ATP8A2: variants seen among roughly 807,000 people sequenced by gnomAD.
ATP8A2 encodes ATPase phospholipid transporting 8A2.
ATP8A2 carries 100 observed loss-of-function variants against 165.6 expected under a neutral mutation model. The ratio of observed to expected loss-of-function variants is 0.60; its 90% CI spans 0.51 to 0.71. The LOEUF is 0.71. Among genes scored for constraint, ATP8A2 ranks in the 30% least tolerant of loss-of-function variants. The pLI is 0.00. For missense variants in ATP8A2, 1,227 were observed against 1,479.5 expected, an observed-to-expected ratio of 0.83 and a Z score of 2.80; for synonymous variants, 543 against 548.8, an observed-to-expected ratio of 0.99 and a Z score of 0.15.
At chr13:26,009,907 A>G (rs889762995) in intron 35 of ATP8A2, among the ~76,000 whole-genome samples, 10 of 152,118 alleles carry the variant, frequency 6.6e-5, no homozygotes, top group African/African-American at 1.9e-4. Flanking sequence ...CGCTACTAAA[A>G]ATACAAAAAT....
intron 24 of ATP8A2, among the ~76,000 whole-genome samples, chr13:25,681,141 G>GA (rs1169129301): frequency 6.6e-6 from 1 of 152,124 alleles, no homozygotes; most frequent in Non-Finnish European, 1.5e-5. Context: ...GAACTGTTTA[G>GA]AAAAAAGAAA....
chr13:25,974,355 C>T (rs1048919872), intron 35 of ATP8A2, among the ~76,000 whole-genome samples: 1 of 151,996 alleles, frequency 6.6e-6, no homozygotes, highest in Non-Finnish European at 1.5e-5. Context: ...GCAGCAGGCT[C>T]TCCGAGTTGC....
intron 1 of ATP8A2, among the ~76,000 whole-genome samples, chr13:25,455,003 T>C (rs2035327791): frequency 6.6e-6 from 1 of 152,248 alleles, no homozygotes; most frequent in Admixed American, 6.5e-5. Context: ...GCATCACATT[T>C]ACTGATCTTC....
At chr13:25,831,853 A>G (rs1347342551) in intron 28 of ATP8A2, among the ~76,000 whole-genome samples, 1 of 152,080 alleles carries the variant, frequency 6.6e-6, no homozygotes, top group African/African-American at 2.4e-5. Context: ...AAAAACAACA[A>G]TAACAACAAG....
intron 24 of ATP8A2, among the ~76,000 whole-genome samples, chr13:25,611,309 G>GGT (rs1225520467): frequency 6.6e-6 from 1 of 151,762 alleles, no homozygotes; most frequent in Non-Finnish European, 1.5e-5. Flanking sequence ...TTTACATTGA[G>GGT]GTATGTCCCT....
intron 1 of ATP8A2, among the ~76,000 whole-genome samples, chr13:25,462,996 G>A (rs1459544040): frequency 3.3e-5 from 5 of 152,290 alleles, no homozygotes; most frequent in Admixed American, 1.3e-4. Context: ...ACTGACTGAC[G>A]TGGGACGGCC....
At chr13:25,925,535 C>CAA (rs200471026) in intron 33 of ATP8A2, among the ~76,000 whole-genome samples, 210 of 122,014 alleles carry the variant, frequency 1.7e-3, no homozygotes, top group African/African-American at 2.8e-3. Flanking sequence ...GTCTCTGTCT[C>CAA]AAAAAAAAAA....
intron 33 of ATP8A2, among the ~76,000 whole-genome samples, chr13:25,885,504 G>A (rs113831592): frequency 3.3e-5 from 5 of 152,156 alleles, no homozygotes; most frequent in South Asian, 4.2e-4. Flanking sequence ...AGAGGCCATC[G>A]TAAAGGCTGG....
intron 25 of ATP8A2, among the ~76,000 whole-genome samples, chr13:25,714,380 A>G (rs1241570134): frequency 1.3e-5 from 2 of 152,084 alleles, no homozygotes; most frequent in African/African-American, 4.8e-5. Flanking sequence ...TCACCCTCTC[A>G]GCTCAAGGCA....
intron 33 of ATP8A2, among the ~76,000 whole-genome samples, chr13:25,948,217 G>A (rs1025635839): frequency 6.6e-6 from 1 of 151,748 alleles, no homozygotes; most frequent in Non-Finnish European, 1.5e-5. Flanking sequence ...GGAGCAGATC[G>A]TACTCCCTGG....
At chr13:25,787,976 A>G (rs2045073671) in intron 27 of ATP8A2, among the ~76,000 whole-genome samples, 1 of 152,230 alleles carries the variant, frequency 6.6e-6, no homozygotes, top group African/African-American at 2.4e-5. Flanking sequence ...AAGAAATGCC[A>G]GGACCCACAG....
At chr13:25,586,929 T>A (rs2039937464) in intron 23 of ATP8A2, among the ~76,000 whole-genome samples, 1 of 152,330 alleles carries the variant, frequency 6.6e-6, no homozygotes, top group African/African-American at 2.4e-5. Flanking sequence ...GACTATATAA[T>A]ATTTTGGTTT....
intron 27 of ATP8A2, among the ~76,000 whole-genome samples, chr13:25,810,526 GA>G (rs1017470795): frequency 8.7e-5 from 12 of 138,578 alleles, no homozygotes; most frequent in East Asian, 2.2e-4. Flanking sequence ...TTTTTTTAAG[GA>G]AAAAAAAAAC....
intron 1 of ATP8A2, among the ~76,000 whole-genome samples, chr13:25,446,558 G>A (rs561410409): frequency 4.7e-5 from 7 of 149,318 alleles, no homozygotes; most frequent in Non-Finnish European, 9.0e-5. Context: ...TGAGTTTTTT[G>A]TTCATTCCAT....
In ATP8A2 at chr13:25,894,352, A is replaced by G. The variant is rs368795466; in HGVS notation, c.3183+31944A>G. On this transcript the variant is annotated intron_variant, in intron 33 of 36. Transcript: ENST00000381655. The stretch of plus-strand genomic sequence containing the variant: ...AAAGATCAGATAGTTGTAGATATGC[A>G]GCATTATTTCTGAGGGCTCTGTTCT... Among the ~76,000 whole-genome samples, 2 of 151,696 alleles carry G rather than the reference A, an allele frequency of 1.3e-5. 1 individual carries two copies. The highest frequency in any genetic ancestry group is 4.2e-4 in the South Asian group (2 of 4,790).
At chr13:25,542,160 A>T in intron 9 of ATP8A2, 114 bp downstream of exon 9, 1 of 1,124,436 alleles carries the variant, frequency 8.9e-7, no homozygotes, top group East Asian at 2.5e-5. Flanking sequence ...GTGAGATTTC[A>T]TACCCTTTCA....
At chr13:25,497,205 G>T (rs2036704878) in intron 2 of ATP8A2, among the ~76,000 whole-genome samples, 1 of 152,198 alleles carries the variant, frequency 6.6e-6, no homozygotes, top group African/African-American at 2.4e-5. Context: ...ATCAAAAACA[G>T]AAGGAATATT....
chr13:25,848,085 G>A (rs189028215), intron 30 of ATP8A2, among the ~76,000 whole-genome samples: 55 of 152,340 alleles, frequency 3.6e-4, no homozygotes, highest in Admixed American at 1.4e-3. Context: ...CATGCTCAGC[G>A]TCTCTCCAAC....
At chr13:25,542,687 C>T (rs2038520846) in intron 9 of ATP8A2, among the ~76,000 whole-genome samples, 1 of 152,056 alleles carries the variant, frequency 6.6e-6, no homozygotes, top group Non-Finnish European at 1.5e-5. Flanking sequence ...TTGGAAGGAC[C>T]TGATCATAGG....
Sources: gnomAD v4.1 joint callset for allele counts (sites outside exome capture counted in the v4.1 genomes callset) on GRCh38, gnomAD v4.1.1 for gene constraint, MANE v1.5 for transcripts, NCBI Gene and HGNC (gene_info 2026-07-23, HGNC 2026-07-21) for gene names.